The following TRPM7 variants were observed in gnomAD, a reference collection of about 807,000 sequenced individuals.
The protein encoded by TRPM7 is transient receptor potential cation channel subfamily M member 7.
Under a neutral mutation model 229.7 loss-of-function variants are expected in TRPM7, and 134 were observed. The observed-to-expected ratio is 0.58, with a 90% CI of 0.51 to 0.67. The LOEUF is 0.67. TRPM7 is among the 30% of genes least tolerant of loss of function. The pLI, the probability that TRPM7 is intolerant of heterozygous loss-of-function variation, is 0.00. For missense variants in TRPM7, 1,901 were observed against 2,210.0 expected (o/e 0.86, Z 2.80); for synonymous variants, 699 against 715.2 (o/e 0.98, Z 0.36).
chr15:50,638,608 G>A (rs2060993080), intron 6 of TRPM7, among the ~76,000 whole-genome samples: 1 of 151,936 alleles, frequency 6.6e-6, no homozygotes, highest in Non-Finnish European at 1.5e-5. Context: ...TTCCAGCCAT[G>A]AGTAGACTCA....
chr15:50,644,913 T>G (rs1398590961), intron 4 of TRPM7, among the ~76,000 whole-genome samples: 2 of 151,678 alleles, frequency 1.3e-5, no homozygotes. Context: ...TTTTGTTTTG[T>G]TTTTTTTAGA....
At chr15:50,612,456 C>A in intron 16 of TRPM7, 93 bp downstream of exon 16, 1 of 1,050,534 alleles carries the variant, frequency 9.5e-7, no homozygotes, top group South Asian at 1.6e-5. Context: ...CATATAAATA[C>A]ATCACCATTA....
chr15:50,600,998 G>A (rs2140413483), intron 21 of TRPM7, among the ~76,000 whole-genome samples: 1 of 152,286 alleles, frequency 6.6e-6, no homozygotes, highest in East Asian at 1.9e-4. Flanking sequence ...ACAGTACTGA[G>A]AGAATGCATG....
At position 50,619,737 on chromosome 15, in the gene TRPM7, T is replaced by A. The variant is rs1234481465; in HGVS notation, c.1494+8A>T. The A allele has an allele frequency of 1.1e-5, 18 of 1,578,532 alleles. No homozygotes were observed. Among genetic ancestry groups the A allele is most frequent in the Non-Finnish European group, 1.5e-5 (18 of 1,168,320 alleles). On this transcript the variant is annotated splice_region_variant and intron_variant, in intron 13 of 38. Coordinates refer to ENST00000646667, the MANE Select transcript of TRPM7 (RefSeq NM_017672.6). Reference sequence around the variant, plus strand: ...AACATTTTTCAAAAGCAAAAAATAATCTCTTACCTGTTTGACGTCTCGAAC... The same window carrying A: ...AACATTTTTCAAAAGCAAAAAATAAACTCTTACCTGTTTGACGTCTCGAAC...
intron 1 of TRPM7, among the ~76,000 whole-genome samples, chr15:50,677,433 A>C (rs1176849063): frequency 2.0e-5 from 3 of 151,956 alleles, no homozygotes; most frequent in African/African-American, 7.2e-5. Flanking sequence ...ACACACACAG[A>C]GCACAGGATT....
chr15:50,604,545 TG>T (rs1327940023), intron 21 of TRPM7: 1 of 150,882 alleles, frequency 6.6e-6, no homozygotes, highest in Non-Finnish European at 1.4e-5. Flanking sequence ...CACTCCAGCC[TG>T]GGTGACAGAG....
intron 4 of TRPM7, among the ~76,000 whole-genome samples, chr15:50,644,008 T>G (rs951877045): frequency 4.2e-4 from 64 of 152,338 alleles, no homozygotes; most frequent in African/African-American, 1.5e-3. Flanking sequence ...CTGAATTATT[T>G]GTATGAAAGT....
chr15:50,589,254 G>A (rs147139846), intron 27 of TRPM7, among the ~76,000 whole-genome samples: 2 of 149,056 alleles, frequency 1.3e-5, no homozygotes, highest in African/African-American at 2.4e-5. Flanking sequence ...CCCGGGAGGT[G>A]GAGGTTGCAG....
intron 3 of TRPM7, among the ~76,000 whole-genome samples, chr15:50,653,497 C>G (rs2061478190): frequency 6.6e-6 from 1 of 151,680 alleles, no homozygotes; most frequent in Non-Finnish European, 1.5e-5. Flanking sequence ...TAAATGTGAA[C>G]AAAATATATG....
intron 30 of TRPM7, among the ~76,000 whole-genome samples, chr15:50,578,965 C>T (rs1263256596): frequency 6.6e-6 from 1 of 151,944 alleles, no homozygotes; most frequent in Non-Finnish European, 1.5e-5. Context: ...TAAACTATTT[C>T]ATAACTTCTG....
intron 3 of TRPM7, among the ~76,000 whole-genome samples, chr15:50,649,437 CAAA>C (rs541168300): frequency 5.4e-5 from 5 of 92,770 alleles, no homozygotes; most frequent in Admixed American, 9.9e-5. Context: ...GACCCCAACT[CAAA>C]AAAAAAAAAA....
At chr15:50,569,298 T>A (rs888167066) in intron 38 of TRPM7, among the ~76,000 whole-genome samples, 1 of 152,188 alleles carries the variant, frequency 6.6e-6, no homozygotes, top group African/African-American at 2.4e-5. Context: ...TAATAACTTG[T>A]AATTCTCTGC....
At chr15:50,639,157 G>A (rs1010657419) in intron 6 of TRPM7, among the ~76,000 whole-genome samples, 1 of 152,168 alleles carries the variant, frequency 6.6e-6, no homozygotes, top group African/African-American at 2.4e-5. Context: ...TATGGAAAAT[G>A]TGAAATAATT....
At chr15:50,652,363 A>G (rs932431034) in intron 3 of TRPM7, among the ~76,000 whole-genome samples, 7 of 148,772 alleles carry the variant, frequency 4.7e-5, no homozygotes, top group African/African-American at 1.5e-4. Context: ...AAAGAACACA[A>G]TGAAACAGAA....
rs8043065 is a variant in TRPM7, at chr15:50,609,537, C to A, written c.2580+44G>T. ...ATTCCGAACCAATGGTCCCCCAAAG[C>A]CTAACTCTTAAAAACATTATGCTTG... On this transcript the variant is annotated intron_variant, in intron 19 of 38. Coordinates refer to ENST00000646667, the MANE Select transcript of TRPM7 (RefSeq NM_017672.6). 8,193 of 1,557,182 alleles carry A rather than the reference C, an allele frequency of 5.3e-3. 420 individuals are homozygous for A. In the African/African-American group the frequency reaches 0.1, roughly 20 times the overall value.
intron 1 of TRPM7, among the ~76,000 whole-genome samples, chr15:50,673,191 C>A (rs1050113758): frequency 1.3e-5 from 2 of 152,116 alleles, no homozygotes; most frequent in East Asian, 3.8e-4. Flanking sequence ...CTCACTGACT[C>A]GCCCAGAACA....
chr15:50,613,246 G>A (rs1023279940), intron 15 of TRPM7, among the ~76,000 whole-genome samples: 2 of 152,170 alleles, frequency 1.3e-5, no homozygotes, highest in South Asian at 2.1e-4. Context: ...GCCCACGCCT[G>A]TAATCCCAGC....
At chr15:50,653,541 C>A (rs186908696) in intron 3 of TRPM7, among the ~76,000 whole-genome samples, 41 of 152,178 alleles carry the variant, frequency 2.7e-4, no homozygotes, top group Admixed American at 4.6e-4. Flanking sequence ...CAAGAAGAAA[C>A]ACGAAGCTGT....
intron 38 of TRPM7, among the ~76,000 whole-genome samples, chr15:50,565,675 G>T (rs1350503890): frequency 8.6e-5 from 13 of 151,988 alleles, no homozygotes; most frequent in African/African-American, 3.1e-4. Flanking sequence ...TTAATCAATA[G>T]AACTAATACA....
Sources: allele counts gnomAD v4.1 joint callset (sites outside exome capture counted in the v4.1 genomes callset), GRCh38; gene constraint gnomAD v4.1.1; transcripts MANE v1.5; gene names NCBI Gene and HGNC (gene_info 2026-07-23, HGNC 2026-07-21).